The following BRI3BP variants were observed in gnomAD, a reference collection of about 807,000 sequenced individuals.
BRI3BP encodes BRI3 binding protein.
Under a neutral mutation model 15.8 loss-of-function variants are expected in BRI3BP, and 7 were observed. That is an observed-to-expected ratio of 0.44 (90% CI 0.25 to 0.83). The LOEUF is 0.83. Ranked by LOEUF, BRI3BP falls within the 40% of genes least tolerant of loss-of-function variation. BRI3BP has a pLI of 0.20. For missense variants in BRI3BP, 320 were observed against 339.3 expected (o/e 0.94, Z 0.45); for synonymous variants, 192 against 163.5 (o/e 1.17, Z -1.33).
At chr12:125,005,912 C>G (rs1303408464) in intron 1 of BRI3BP, among the ~76,000 whole-genome samples, 2 of 152,142 alleles carry the variant, frequency 1.3e-5, no homozygotes, top group African/African-American at 4.8e-5. Flanking sequence ...GTCGCCTAAA[C>G]AGCAGACATA....
intron 1 of BRI3BP, among the ~76,000 whole-genome samples, chr12:125,001,958 C>G (rs1955095482): frequency 1.3e-5 from 2 of 152,190 alleles, no homozygotes; most frequent in Admixed American, 6.6e-5. Context: ...ATTTCTGAGC[C>G]TACTGTGGGC....
At chr12:125,049,406 G>A in the BRI3BP span, among the ~76,000 whole-genome samples, 4 of 152,062 alleles carry the variant, frequency 2.6e-5, no homozygotes, top group Non-Finnish European at 5.9e-5. Flanking sequence ...GGGCTCATCT[G>A]CGTATTTGAA....
chr12:125,004,668 G>T (rs1189619556), intron 1 of BRI3BP, among the ~76,000 whole-genome samples: 2 of 151,814 alleles, frequency 1.3e-5, no homozygotes, highest in Non-Finnish European at 2.9e-5. Context: ...TCAATTATTC[G>T]CTGAAGTCTG....
At chr12:125,012,036 A>G (rs1594532631) in intron 1 of BRI3BP, among the ~76,000 whole-genome samples, 1 of 152,242 alleles carries the variant, frequency 6.6e-6, no homozygotes, top group South Asian at 2.1e-4. Flanking sequence ...ACAAAATAAT[A>G]ATAAAGCCTG....
intron 1 of BRI3BP, among the ~76,000 whole-genome samples, chr12:125,008,399 G>C (rs11057979): frequency 0.14 from 19,377 of 142,810 alleles, 1,319 homozygotes; most frequent in Admixed American, 0.17. Context: ...TGCAAGCTCC[G>C]CCTCCCGGGT....
downstream of BRI3BP, among the ~76,000 whole-genome samples, chr12:125,033,740 T>G (rs115925740): frequency 0.035 from 4,601 of 131,356 alleles, 215 homozygotes; most frequent in African/African-American, 0.12. Flanking sequence ...GTTTTTCTGG[T>G]TTTTTTTTGT....
In BRI3BP at chr12:124,999,607, TTTTA is replaced by T. The variant is rs577502155; in HGVS notation, c.213+5624_213+5627del. On this transcript the variant is annotated intron_variant, in intron 1 of 2. Transcript: ENST00000341446. ...CCCTGCTAAGTTTTTTATTTTTTAT[TTTTA>T]TTTATTTATTTATTTATTTTTCTTG... Among the ~76,000 whole-genome samples the T allele has an allele frequency of 2.2e-4, 33 of 150,138 alleles. 1 individual carries two copies. The highest frequency in any genetic ancestry group is 7.3e-4 in the African/African-American group (30 of 40,870).
In BRI3BP at chr12:125,025,307, C is replaced by T; in HGVS notation, c.633C>T (p.Gly211=). ...TCTACTGGCGAAGCAGTCCCAGCGG[C>T]CCCAGCAACCCCAGCAACCCCAGCG... ...MGFYWRSSPS[G]PSNPSNPSVE... is the part of the protein sequence containing the mutation. The change falls in exon 3 of 3, where the codon GGC becomes GGT. Residue 211 remains glycine (G), a synonymous_variant. Transcript: ENST00000341446. 6.2e-7 allele frequency: 1 copy of T among 1,609,642 alleles called. No homozygotes were observed. Among genetic ancestry groups the T allele is most frequent in the South Asian group, 1.1e-5 (1 of 90,888 alleles).
chr12:125,028,890 A>T lies in BRI3BP; in HGVS notation c.*3460A>T, dbSNP rs1429026282. 6.6e-6 allele frequency: 1 copy of T among 152,056 alleles called. No homozygotes were observed. Among genetic ancestry groups the T allele is most frequent in the East Asian group, 1.9e-4 (1 of 5,194 alleles). The allele number at this position is 152,056 out of a possible 1,614,324, so 9.4% of individuals were successfully genotyped here. On this transcript the variant is annotated 3_prime_UTR_variant, in exon 3 of 3. Coordinates refer to ENST00000341446, the MANE Select transcript of BRI3BP (RefSeq NM_080626.6). ...AATGTATTTTTGTACCATATCTCAT[A>T]CCTGGAGAGAAACCTTTTTTCTATC...
chr12:125,036,991 G>A, the BRI3BP span, among the ~76,000 whole-genome samples: 58,381 of 152,092 alleles, frequency 0.38, 12,805 homozygotes, highest in Non-Finnish European at 0.5. Context: ...CTATACTATT[G>A]TATTACAGCA....
intron 2 of BRI3BP, 47 bp from the exon 3 acceptor site, chr12:125,024,944 C>A (rs1367187403): frequency 3.9e-6 from 6 of 1,519,952 alleles, no homozygotes; most frequent in South Asian, 2.4e-5. Context: ...GTTAAGAAAC[C>A]CCTGGCCCCT....
chr12:124,993,946 C>A lies in BRI3BP; in HGVS notation c.156C>A (p.Thr52=), dbSNP rs768356834. The change falls in exon 1 of 3, where the codon ACC becomes ACA. Residue 52 remains threonine, a synonymous_variant. Coordinates refer to ENST00000341446, the MANE Select transcript of BRI3BP (RefSeq NM_080626.6). ...ACAGCTACCGCCGCACGGTCAACAC[C>A]TTCTCCCAGAGCGTCAGCAGCCTGT... is the stretch of plus-strand genomic sequence containing the variant. ...EKNSYRRTVN[T]FSQSVSSLFG... 3 of 1,371,898 alleles carry A rather than the reference C, an allele frequency of 2.2e-6. No individual in the cohort carries two copies. The Admixed American group carries it at 8.0e-5, about 36-fold the overall frequency. The allele number at this position is 1,371,898 out of a possible 1,614,324, so 85.0% of individuals were successfully genotyped here.
In BRI3BP at chr12:124,993,814, GC is replaced by G; in HGVS notation, c.28del (p.Leu10TrpfsTer67). The G allele has an allele frequency of 9.1e-7, 1 of 1,101,088 alleles. No homozygotes were observed. 68.2% of individuals were successfully genotyped at this position (1,101,088 alleles called of 1,614,324 possible). A position where few individuals can be genotyped will look rare whatever the true frequency, so the allele number is the denominator to read the frequency against. Reference sequence around the variant, plus strand: ...GCATGGGCGCGCGCGCCTCAGGCGGGCCCCTGGCCCGGGCCGGGCTCCTGCT... The same window carrying G: ...GCATGGGCGCGCGCGCCTCAGGCGGGCCCTGGCCCGGGCCGGGCTCCTGCT... MGARASGG[P>X]LARAGLLLLL... On this transcript the variant is annotated frameshift_variant, in exon 1 of 3. Coordinates refer to ENST00000341446, the MANE Select transcript of BRI3BP (RefSeq NM_080626.6). LOFTEE classifies it high-confidence loss of function.
In BRI3BP at chr12:125,030,198, G is replaced by A. The variant is rs1955396055; in HGVS notation, c.*4768G>A. On this transcript the variant is annotated 3_prime_UTR_variant, in exon 3 of 3. Coordinates refer to ENST00000341446, the MANE Select transcript of BRI3BP (RefSeq NM_080626.6). ...GACACCTGATAACTTCTCCCTGATGGGTTTCCGAACTGGCTGACTTAACCA... is the reference window on the plus strand; with the variant it reads ...GACACCTGATAACTTCTCCCTGATGAGTTTCCGAACTGGCTGACTTAACCA... The A allele has an allele frequency of 6.6e-6, 1 of 152,154 alleles. No individual in the cohort carries two copies. The highest frequency in any genetic ancestry group is 2.1e-4 in the South Asian group (1 of 4,830). 9.4% of individuals were successfully genotyped at this position (152,154 alleles called of 1,614,324 possible).
rs1204798500 is a variant in BRI3BP at position 124,993,888 on chromosome 12, AG to A, written c.103del (p.Ala35ArgfsTer42). The A allele has an allele frequency of 4.0e-6, 5 of 1,240,456 alleles. No individual in the cohort carries two copies. Among genetic ancestry groups the A allele is most frequent in the East Asian group, 3.6e-5 (1 of 27,574 alleles). The allele number at this position is 1,240,456 out of a possible 1,614,324, so 76.8% of individuals were successfully genotyped here. A position where few individuals can be genotyped will look rare whatever the true frequency, so the allele number is the denominator to read the frequency against. ...LLLGLLAPGA[Q>X]GARGRGGAEK... is the part of the protein sequence containing the mutation. ...CTCGGGCTGCTGGCCCCGGGCGCGC[AG>A]GGGGCGCGGGGCCGCGGCGGCGCGG... On this transcript the variant is annotated frameshift_variant, in exon 1 of 3. Coordinates refer to ENST00000341446, the MANE Select transcript of BRI3BP (RefSeq NM_080626.6). LOFTEE classifies it high-confidence loss of function.
At chr12:125,004,963 A>G (rs1278160007) in intron 1 of BRI3BP, among the ~76,000 whole-genome samples, 1 of 152,160 alleles carries the variant, frequency 6.6e-6, no homozygotes. Context: ...CTCCTGCCTC[A>G]GCCTCCTGAG....
At chr12:125,004,005 C>A (rs1955121613) in intron 1 of BRI3BP, among the ~76,000 whole-genome samples, 1 of 133,398 alleles carries the variant, frequency 7.5e-6, no homozygotes, top group South Asian at 2.5e-4. Flanking sequence ...ACACACACAA[C>A]ACACAATACC....
In BRI3BP at chr12:124,993,901, C is replaced by T; in HGVS notation, c.111C>T (p.Gly37=). 1 of 1,272,192 alleles carries T rather than the reference C, an allele frequency of 7.9e-7. No individual in the cohort carries two copies. The allele number at this position is 1,272,192 out of a possible 1,614,324, so 78.8% of individuals were successfully genotyped here. The change falls in exon 1 of 3, where the codon GGC becomes GGT. Residue 37 remains glycine (G), a synonymous_variant. Coordinates refer to ENST00000341446, the MANE Select transcript of BRI3BP (RefSeq NM_080626.6). The part of the protein sequence containing the change: ...LLAPGAQGAR[G]RGGAEKNSYR... Reference sequence around the variant, plus strand: ...CCCCGGGCGCGCAGGGGGCGCGGGGCCGCGGCGGCGCGGAGAAGAACAGCT... The same window carrying T: ...CCCCGGGCGCGCAGGGGGCGCGGGGTCGCGGCGGCGCGGAGAAGAACAGCT...
chr12:125,038,320 G>A, the BRI3BP span, among the ~76,000 whole-genome samples: 3 of 152,010 alleles, frequency 2.0e-5, no homozygotes, highest in Middle Eastern at 3.4e-3. Flanking sequence ...GATGTGGGAT[G>A]CCTTTTCTTG....
Sources: gnomAD v4.1 joint callset for allele counts (sites outside exome capture counted in the v4.1 genomes callset) on GRCh38, gnomAD v4.1.1 for gene constraint, MANE v1.5 for transcripts, NCBI Gene and HGNC (gene_info 2026-07-23, HGNC 2026-07-21) for gene names.